PTPRN2: variants seen among roughly 807,000 people sequenced by gnomAD.
PTPRN2 encodes protein tyrosine phosphatase receptor type N2, also known as receptor-type tyrosine-protein phosphatase N2.
In PTPRN2, 74 loss-of-function variants were observed where a neutral mutation model predicts 118.8. That is an observed-to-expected ratio of 0.62 (90% CI 0.52 to 0.76). PTPRN2 has a LOEUF of 0.76. PTPRN2 is among the 30% of genes least tolerant of loss of function. PTPRN2 has a pLI of 0.00. For synonymous variants in PTPRN2, 641 were observed against 608.0 expected (o/e 1.05, Z -0.80); for missense variants, 1,481 against 1,394.4 (o/e 1.06, Z -0.99).
At chr7:157,553,354 A>G (rs1798725255) in intron 21 of PTPRN2, among the ~76,000 whole-genome samples, 1 of 152,154 alleles carries the variant, frequency 6.6e-6, no homozygotes, top group African/African-American at 2.4e-5. Flanking sequence ...GCCCTCCCGA[A>G]TTCTGGCCGG....
At chr7:157,757,885 C>T (rs1285931645) in intron 12 of PTPRN2, among the ~76,000 whole-genome samples, 1 of 152,218 alleles carries the variant, frequency 6.6e-6, no homozygotes, top group Non-Finnish European at 1.5e-5. Context: ...GCCCCTGACG[C>T]CCGAGACACC....
At chr7:158,362,554 A>G (rs970781469) in intron 2 of PTPRN2, among the ~76,000 whole-genome samples, 115 of 152,380 alleles carry the variant, frequency 7.5e-4, no homozygotes, top group African/African-American at 2.3e-3. Flanking sequence ...GGCACAAATT[A>G]GGTGTCCCCT....
chr7:158,051,795 C>T (rs1370060360), intron 11 of PTPRN2, among the ~76,000 whole-genome samples: 2 of 152,228 alleles, frequency 1.3e-5, no homozygotes, highest in African/African-American at 4.8e-5. Context: ...TGTAAATTTA[C>T]ATGTCAAAAT....
At chr7:158,185,013 TG>T (rs1388565786) in intron 5 of PTPRN2, among the ~76,000 whole-genome samples, 1 of 152,214 alleles carries the variant, frequency 6.6e-6, no homozygotes, top group Non-Finnish European at 1.5e-5. Flanking sequence ...GACCATCACA[TG>T]GTCTATGTAA....
chr7:158,046,773 C>T (rs1479046142), intron 11 of PTPRN2, among the ~76,000 whole-genome samples: 1 of 152,166 alleles, frequency 6.6e-6, no homozygotes, highest in Non-Finnish European at 1.5e-5. Flanking sequence ...GATTTCCTAA[C>T]CTGACATTTT....
chr7:157,561,483 G>C (rs2150493114), intron 21 of PTPRN2, among the ~76,000 whole-genome samples: 1 of 152,360 alleles, frequency 6.6e-6, no homozygotes, highest in East Asian at 1.9e-4. Context: ...CTGTGCCTCT[G>C]AGCGCCGTCC....
At chr7:158,128,069 G>A (rs1817841369) in intron 9 of PTPRN2, among the ~76,000 whole-genome samples, 2 of 152,138 alleles carry the variant, frequency 1.3e-5, no homozygotes, top group Admixed American at 6.5e-5. Flanking sequence ...GTGACACCGA[G>A]TTCTAAACCA....
chr7:158,129,852 C>T (rs971509598), intron 9 of PTPRN2, among the ~76,000 whole-genome samples: 1 of 152,128 alleles, frequency 6.6e-6, no homozygotes, highest in African/African-American at 2.4e-5. Context: ...TGAGAAGTTC[C>T]TGACTCTACA....
At chr7:158,399,732 GA>G (rs1034043067) in intron 2 of PTPRN2, among the ~76,000 whole-genome samples, 37 of 152,188 alleles carry the variant, frequency 2.4e-4, no homozygotes, top group African/African-American at 8.2e-4. Context: ...ATTTTTAAAA[GA>G]AAAAAAGTGT....
At chr7:157,999,078 G>T (rs946464863) in intron 11 of PTPRN2, among the ~76,000 whole-genome samples, 2 of 151,864 alleles carry the variant, frequency 1.3e-5, no homozygotes, top group African/African-American at 4.8e-5. Flanking sequence ...GTCCGCCCTG[G>T]CCCCTACACT....
At chr7:158,463,655 CGT>C (rs1819173172) in intron 2 of PTPRN2, among the ~76,000 whole-genome samples, 1 of 151,880 alleles carries the variant, frequency 6.6e-6, no homozygotes, top group South Asian at 2.1e-4. Flanking sequence ...TCACCATCAT[CGT>C]CATCACCATA....
At chr7:157,876,379 A>G (rs1414166022) in intron 12 of PTPRN2, among the ~76,000 whole-genome samples, 1 of 152,138 alleles carries the variant, frequency 6.6e-6, no homozygotes, top group Admixed American at 6.5e-5. Flanking sequence ...CCCAGGACAG[A>G]GTCTGTCACC....
Position 157,852,484 on chromosome 7 carries a change from G to C in PTPRN2, c.1788+46189C>G, listed in dbSNP as rs1167481406. Among the ~76,000 whole-genome samples the C allele has an allele frequency of 1.1e-4, 16 of 152,198 alleles. 1 individual carries two copies. Among genetic ancestry groups the C allele is most frequent in the Admixed American group, 1.0e-3 (16 of 15,282 alleles). On this transcript the variant is annotated intron_variant, in intron 12 of 22. Transcript: ENST00000389418. Reference sequence around the variant, plus strand: ...CATTTTTAAATTGAAAGTTTAAATAGGTTGATCTTAAAAACACATTCAATG... The same window carrying C: ...CATTTTTAAATTGAAAGTTTAAATACGTTGATCTTAAAAACACATTCAATG...
chr7:157,564,246 C>T (rs1470795307), intron 21 of PTPRN2, among the ~76,000 whole-genome samples: 2 of 152,196 alleles, frequency 1.3e-5, no homozygotes, highest in African/African-American at 4.8e-5. Flanking sequence ...ATTCTCCTGC[C>T]TCAGCCTCCT....
intron 13 of PTPRN2, among the ~76,000 whole-genome samples, chr7:157,681,481 A>G (rs1796913010): frequency 6.6e-6 from 1 of 152,260 alleles, no homozygotes; most frequent in African/African-American, 2.4e-5. Flanking sequence ...TTTCTTTGTA[A>G]GAAAAAGATC....
At chr7:158,395,894 G>C (rs1443479411) in intron 2 of PTPRN2, among the ~76,000 whole-genome samples, 5 of 152,014 alleles carry the variant, frequency 3.3e-5, no homozygotes, top group African/African-American at 9.7e-5. Context: ...CCAGCCTGGA[G>C]GGGGAGCTCG....
In PTPRN2 at chr7:157,671,759, C is replaced by G. The variant is rs1027123380; in HGVS notation, c.2001+10966G>C. Reference sequence around the variant, plus strand: ...CCCAATTATTCTACCTAAAACTGATCTGAGTGACACCTGAACTGCACAAGG... The same window carrying G: ...CCCAATTATTCTACCTAAAACTGATGTGAGTGACACCTGAACTGCACAAGG... On this transcript the variant is annotated intron_variant, in intron 13 of 22. Coordinates refer to ENST00000389418, the MANE Select transcript of PTPRN2 (RefSeq NM_002847.5). This position sits in a 1 kb window ranked among gnomAD's most constrained non-coding sequence, Gnocchi z 4.1. 2.8e-4 allele frequency among the ~76,000 whole-genome samples: 42 copies of G among 152,236 alleles called. No individual in the cohort carries two copies. Among genetic ancestry groups the G allele is most frequent in the African/African-American group, 9.9e-4 (41 of 41,542 alleles).
At chr7:158,383,613 T>C (rs778881677) in intron 2 of PTPRN2, among the ~76,000 whole-genome samples, 12 of 152,188 alleles carry the variant, frequency 7.9e-5, no homozygotes, top group Admixed American at 3.3e-4. Flanking sequence ...GAAATTTAAT[T>C]TGAAGTTCAA....
chr7:157,879,004 A>G (rs1437417582), intron 12 of PTPRN2, among the ~76,000 whole-genome samples: 4 of 116,466 alleles, frequency 3.4e-5, no homozygotes, highest in Non-Finnish European at 5.2e-5. Flanking sequence ...CTCAGATTCC[A>G]TGGGGCTGGA....
Sources: gnomAD v4.1 joint callset for allele counts (sites outside exome capture counted in the v4.1 genomes callset) on GRCh38, gnomAD v4.1.1 for gene constraint, Gnocchi (gnomAD v3.1) non-coding constraint, MANE v1.5 for transcripts, NCBI Gene and HGNC (gene_info 2026-07-23, HGNC 2026-07-21) for gene names.